The following TLK1 variants were observed in gnomAD, a reference collection of about 807,000 sequenced individuals.
TLK1 encodes serine/threonine-protein kinase tousled-like 1.
TLK1 carries 24 observed loss-of-function variants against 105.3 expected under a neutral mutation model. That is an observed-to-expected ratio of 0.23 (90% confidence interval 0.17 to 0.32). TLK1 has a LOEUF of 0.32. Ranked by LOEUF, TLK1 falls within the 10% of genes least tolerant of loss-of-function variation. TLK1 has a pLI of 1.00. For missense variants in TLK1, 558 were observed against 910.5 expected (o/e 0.61, Z 4.98); for synonymous variants, 321 against 310.4 (o/e 1.03, Z -0.36).
chr2:171,079,001 C>G (rs1688632970), intron 3 of TLK1, among the ~76,000 whole-genome samples: 1 of 152,216 alleles, frequency 6.6e-6, no homozygotes, highest in Non-Finnish European at 1.5e-5. Flanking sequence ...TGACCCCTGC[C>G]TACCTTTCAC....
chr2:171,022,096 C>CACACAG (rs895476914), intron 12 of TLK1, among the ~76,000 whole-genome samples: 66 of 150,436 alleles, frequency 4.4e-4, no homozygotes, highest in South Asian at 1.1e-3. Flanking sequence ...AACACACACA[C>CACACAG]ACACACACAC....
At chr2:171,007,112 C>A (rs1176680336) in intron 14 of TLK1, 49 bp from the exon 15 acceptor site, 1 of 1,468,424 alleles carries the variant, frequency 6.8e-7, no homozygotes, top group East Asian at 2.3e-5. Flanking sequence ...AATTGAATAG[C>A]TGAAGAGATG....
intron 1 of TLK1, among the ~76,000 whole-genome samples, chr2:171,202,253 C>T (rs536322363): frequency 4.6e-5 from 7 of 151,816 alleles, no homozygotes; most frequent in Non-Finnish European, 7.4e-5. Context: ...GTCAGGAGTT[C>T]GAGATCAGCC....
At chr2:171,136,040 C>G (rs766198425) in intron 1 of TLK1, among the ~76,000 whole-genome samples, 1 of 152,164 alleles carries the variant, frequency 6.6e-6, no homozygotes, top group Non-Finnish European at 1.5e-5. Flanking sequence ...CAGCACTACT[C>G]ACGATACCCA....
chr2:171,117,696 A>C, intron 2 of TLK1, 43 bp downstream of exon 2: 1 of 1,478,126 alleles, frequency 6.8e-7, no homozygotes, highest in Non-Finnish European at 9.4e-7. Flanking sequence ...AGATCATTTA[A>C]TAGAAAGAAA....
chr2:171,085,036 A>G (rs1032823606), intron 2 of TLK1, among the ~76,000 whole-genome samples: 2 of 152,216 alleles, frequency 1.3e-5, no homozygotes, highest in Non-Finnish European at 2.9e-5. Flanking sequence ...CAATATACAG[A>G]TAACAGAAGA....
At chr2:171,210,830 A>T (rs570818363) in intron 1 of TLK1, among the ~76,000 whole-genome samples, 1 of 152,208 alleles carries the variant, frequency 6.6e-6, no homozygotes, top group South Asian at 2.1e-4. Context: ...GTTGAGAAGA[A>T]ATCTAGGAAC....
chr2:171,000,926 C>T (rs1477301342), intron 18 of TLK1, among the ~76,000 whole-genome samples: 1 of 152,192 alleles, frequency 6.6e-6, no homozygotes, highest in Non-Finnish European at 1.5e-5. Flanking sequence ...AAGCACTCAT[C>T]TCCATCAAGT....
At chr2:171,209,816 G>A (rs1044669349) in intron 1 of TLK1, among the ~76,000 whole-genome samples, 15 of 152,334 alleles carry the variant, frequency 9.8e-5, no homozygotes, top group Admixed American at 5.9e-4. Flanking sequence ...GATCTTGAAA[G>A]AAACTAACCT....
intron 11 of TLK1, among the ~76,000 whole-genome samples, chr2:171,035,911 T>C (rs559903137): frequency 2.6e-5 from 4 of 152,306 alleles, no homozygotes; most frequent in Admixed American, 1.3e-4. Context: ...AGAAGTAACA[T>C]AGCCCTGTTA....
At chr2:171,059,314 C>T (rs1687638500) in intron 4 of TLK1, among the ~76,000 whole-genome samples, 1 of 152,184 alleles carries the variant, frequency 6.6e-6, no homozygotes, top group Non-Finnish European at 1.5e-5. Context: ...AATTCTCTTT[C>T]CTTAACTGAA....
intron 1 of TLK1, among the ~76,000 whole-genome samples, chr2:171,156,548 C>T (rs1026982994): frequency 5.3e-5 from 8 of 152,188 alleles, no homozygotes; most frequent in African/African-American, 1.4e-4. Context: ...TTCAAACCTC[C>T]GTTCTGGTTT....
At chr2:171,113,713 G>A (rs148851839) in intron 2 of TLK1, among the ~76,000 whole-genome samples, 1 of 152,226 alleles carries the variant, frequency 6.6e-6, no homozygotes, top group African/African-American at 2.4e-5. Flanking sequence ...ACTAGATGGA[G>A]AAAAATAAAA....
intron 14 of TLK1, among the ~76,000 whole-genome samples, chr2:171,010,625 CAAA>C (rs77995237): frequency 2.1e-5 from 2 of 94,472 alleles, no homozygotes; most frequent in Non-Finnish European, 2.4e-5. Context: ...ACATAAAGTA[CAAA>C]AAAAAAAAAA....
intron 3 of TLK1, among the ~76,000 whole-genome samples, chr2:171,073,881 C>CA (rs1553473040): frequency 1.5e-5 from 2 of 129,050 alleles, no homozygotes; most frequent in Non-Finnish European, 3.2e-5. Flanking sequence ...TTCCCCCCCC[C>CA]CCTCCTTTTT....
Position 171,160,575 on chromosome 2 carries a change from G to T in TLK1, c.-147C>A. 1.8e-6 allele frequency: 2 copies of T among 1,141,788 alleles called. No individual in the cohort carries two copies. Among genetic ancestry groups the T allele is most frequent in the Non-Finnish European group, 2.4e-6 (2 of 841,046 alleles). 70.7% of individuals were successfully genotyped at this position (1,141,788 alleles called of 1,614,324 possible). On this transcript the variant is annotated 5_prime_UTR_variant, in exon 1 of 21. Transcript: ENST00000431350. The surrounding 1 kb of genome is among the most constrained non-coding windows in gnomAD (Gnocchi z 4.4). ...GGGGAGAGTCAAGGGGATGGGGGAG[G>T]AAACCGAGAAGAGGGGAGGTGGGGA...
At chr2:171,230,987 G>A (rs937164873) in intron 1 of TLK1, among the ~76,000 whole-genome samples, 5 of 152,040 alleles carry the variant, frequency 3.3e-5, no homozygotes, top group Admixed American at 1.3e-4. Context: ...CCTCTTCCTC[G>A]GGTATTTAAA....
chr2:171,112,603 G>A (rs1159283013), intron 2 of TLK1, among the ~76,000 whole-genome samples: 1 of 151,958 alleles, frequency 6.6e-6, no homozygotes, highest in Admixed American at 6.6e-5. Flanking sequence ...CCAAGATAAG[G>A]AAAAAATATG....
intron 11 of TLK1, among the ~76,000 whole-genome samples, chr2:171,036,075 G>A (rs372861273): frequency 2.6e-5 from 4 of 152,176 alleles, no homozygotes; most frequent in East Asian, 1.9e-4. Flanking sequence ...AGTAGAATGC[G>A]CCTTTAATAA....
Sources: gnomAD v4.1 joint callset for allele counts (sites outside exome capture counted in the v4.1 genomes callset) on GRCh38, gnomAD v4.1.1 for gene constraint, Gnocchi (gnomAD v3.1) non-coding constraint, MANE v1.5 for transcripts, NCBI Gene and HGNC (gene_info 2026-07-23, HGNC 2026-07-21) for gene names.